The following FAM193A variants were observed in gnomAD, a reference collection of about 807,000 sequenced individuals.
FAM193A encodes the protein protein FAM193A.
A neutral mutation model predicts 126.5 loss-of-function variants in FAM193A; 22 were observed. The observed-to-expected ratio is 0.17, with a 90% CI of 0.12 to 0.25. FAM193A has a LOEUF of 0.25. Among genes scored for constraint, FAM193A ranks in the 10% least tolerant of loss-of-function variants. FAM193A has a pLI of 1.00. For synonymous variants in FAM193A, 761 were observed against 646.8 expected, an observed-to-expected ratio of 1.18 and a Z score of -2.68; for missense variants, 1,675 against 1,672.8, an observed-to-expected ratio of 1.00 and a Z score of -0.02.
chr4:2,569,623 G>A (rs1312081794), intron 1 of FAM193A, among the ~76,000 whole-genome samples: 2 of 151,742 alleles, frequency 1.3e-5, no homozygotes, highest in East Asian at 1.9e-4. Flanking sequence ...TCTGCCTCCC[G>A]AGTAGCTGGG....
chr4:2,674,125 A>C (rs1714131814), intron 13 of FAM193A, among the ~76,000 whole-genome samples: 1 of 152,236 alleles, frequency 6.6e-6, no homozygotes. Flanking sequence ...GATTCATTTA[A>C]AATATGTGGT....
intron 7 of FAM193A, among the ~76,000 whole-genome samples, chr4:2,648,299 T>C (rs1745340662): frequency 6.6e-6 from 1 of 152,150 alleles, no homozygotes; most frequent in African/African-American, 2.4e-5. Context: ...CCTGAGACTC[T>C]CCCATGACTC....
chr4:2,680,195 T>A (rs1299594542), intron 13 of FAM193A, among the ~76,000 whole-genome samples: 3 of 152,246 alleles, frequency 2.0e-5, no homozygotes, highest in African/African-American at 7.2e-5. Flanking sequence ...TTCAATCTCC[T>A]TACTAGTTAC....
chr4:2,587,259 G>A (rs551557392), intron 1 of FAM193A, among the ~76,000 whole-genome samples: 2 of 152,178 alleles, frequency 1.3e-5, no homozygotes, highest in Non-Finnish European at 2.9e-5. Flanking sequence ...AAGCAAGAGA[G>A]ATGGGAAAGG....
chr4:2,676,277 A>C (rs71608223), intron 13 of FAM193A, among the ~76,000 whole-genome samples: 1 of 152,180 alleles, frequency 6.6e-6, no homozygotes, highest in African/African-American at 2.4e-5. Context: ...CATCCTCATT[A>C]ACACTTGTTA....
chr4:2,619,066 G>A (rs1014110322), intron 2 of FAM193A, among the ~76,000 whole-genome samples: 2 of 151,952 alleles, frequency 1.3e-5, no homozygotes, highest in Admixed American at 6.6e-5. Context: ...CAGGTTTATT[G>A]GTATTCTGAT....
chr4:2,723,069 C>T (rs1019957050), intron 20 of FAM193A, among the ~76,000 whole-genome samples: 22 of 152,026 alleles, frequency 1.4e-4, no homozygotes, highest in African/African-American at 3.9e-4. Flanking sequence ...GTCAGGAGAT[C>T]GAGACCATCC....
At chr4:2,649,919 T>C (rs116547423) in intron 7 of FAM193A, among the ~76,000 whole-genome samples, 2,628 of 152,304 alleles carry the variant, frequency 0.017, 60 homozygotes, top group African/African-American at 0.05. Flanking sequence ...GAACTTCTCA[T>C]GTCCGATCAG....
intron 9 of FAM193A, 64 bp from the exon 10 acceptor site, chr4:2,659,748 T>A: frequency 6.2e-7 from 1 of 1,613,584 alleles, no homozygotes; most frequent in Non-Finnish European, 8.5e-7. Context: ...GAACCGACCC[T>A]TAGAGAGCAT....
chr4:2,637,391 C>T (rs1313214081), intron 5 of FAM193A, among the ~76,000 whole-genome samples: 19 of 152,142 alleles, frequency 1.2e-4, no homozygotes, highest in Admixed American at 1.2e-3. Context: ...AAAATTGTCA[C>T]TAGGCTTAAG....
intron 12 of FAM193A, among the ~76,000 whole-genome samples, chr4:2,668,780 C>T (rs1042351015): frequency 1.3e-5 from 2 of 151,448 alleles, no homozygotes; most frequent in African/African-American, 4.9e-5. Flanking sequence ...CTTTCTTTTC[C>T]TTTTCCTCTC....
chr4:2,624,394 T>A (rs899458455), intron 2 of FAM193A, among the ~76,000 whole-genome samples: 4 of 152,206 alleles, frequency 2.6e-5, no homozygotes, highest in Non-Finnish European at 5.9e-5. Flanking sequence ...TCCGCCTGCC[T>A]CGGCCTCCCA....
chr4:2,605,469 A>G (rs772845889), intron 2 of FAM193A, among the ~76,000 whole-genome samples: 11 of 152,030 alleles, frequency 7.2e-5, no homozygotes, highest in Admixed American at 2.6e-4. Flanking sequence ...TTGTTTCTCT[A>G]TTTTCATTGC....
intron 15 of FAM193A, among the ~76,000 whole-genome samples, chr4:2,692,695 A>C (rs1413562626): frequency 6.6e-6 from 1 of 152,206 alleles, no homozygotes. Context: ...AAAAGAGAAA[A>C]GGGTTGGAAG....
chr4:2,698,807 TG>T (rs1364167446), intron 18 of FAM193A, among the ~76,000 whole-genome samples: 2 of 152,208 alleles, frequency 1.3e-5, no homozygotes, highest in Admixed American at 6.5e-5. Flanking sequence ...TGTCTTTACT[TG>T]GGATGAAAAT....
intron 1 of FAM193A, among the ~76,000 whole-genome samples, chr4:2,586,101 G>C (rs1740219194): frequency 6.6e-6 from 1 of 151,954 alleles, no homozygotes; most frequent in Admixed American, 6.6e-5. Context: ...AAATTAGCCA[G>C]GCGTGGTGGT....
rs773254560 is a variant in FAM193A, at chr4:2,685,300, G to T, written c.2332-4206G>T. Among the ~76,000 whole-genome samples, 66 of 152,094 alleles carry T rather than the reference G, an allele frequency of 4.3e-4. 1 individual carries two copies. The highest frequency in any genetic ancestry group is 7.8e-4 in the Non-Finnish European group (53 of 68,028). On this transcript the variant is annotated intron_variant, in intron 13 of 20. Coordinates refer to ENST00000637812, the MANE Select transcript of FAM193A (RefSeq NM_001366318.2). ...GGGTGTATCTTTACACTCCCTCTCT[G>T]GGTTACTTTGAGACTTAAGTAAAAC...
At chr4:2,676,000 A>T (rs892263745) in intron 13 of FAM193A, among the ~76,000 whole-genome samples, 1 of 152,232 alleles carries the variant, frequency 6.6e-6, no homozygotes, top group African/African-American at 2.4e-5. Flanking sequence ...AATACTCATC[A>T]TATGGCTGTA....
At chr4:2,622,487 C>T (rs370689983) in intron 2 of FAM193A, among the ~76,000 whole-genome samples, 3 of 151,266 alleles carry the variant, frequency 2.0e-5, no homozygotes, top group Non-Finnish European at 2.9e-5. Context: ...GGCCCACTAG[C>T]GCTAGGCCTG....
Sources: gnomAD v4.1 joint callset for allele counts (sites outside exome capture counted in the v4.1 genomes callset) on GRCh38, gnomAD v4.1.1 for gene constraint, MANE v1.5 for transcripts, NCBI Gene and HGNC (gene_info 2026-07-23, HGNC 2026-07-21) for gene names.